Variants in ZBTB20 observed in about 807,000 individuals in gnomAD.
ZBTB20 encodes the protein zinc finger and BTB domain containing 20.
A neutral mutation model predicts 56.9 loss-of-function variants in ZBTB20; 9 were observed. The ratio of observed to expected loss-of-function variants is 0.16; its 90% confidence interval spans 0.10 to 0.28. The LOEUF (loss-of-function observed/expected upper bound fraction) is 0.28, where lower values mean the gene tolerates loss of function less well. Ranked by LOEUF, ZBTB20 falls within the 10% of genes least tolerant of loss-of-function variation. ZBTB20 has a pLI of 1.00. For synonymous variants in ZBTB20, 417 were observed against 420.7 expected (o/e 0.99, Z 0.11); for missense variants, 655 against 1,003.0 (o/e 0.65, Z 4.69).
intron 1 of ZBTB20, among the ~76,000 whole-genome samples, chr3:115,087,112 A>T (rs1451382730): frequency 6.6e-6 from 1 of 151,792 alleles, no homozygotes; most frequent in Non-Finnish European, 1.5e-5. Flanking sequence ...TCTGATTCGT[A>T]TTTCTACCAT....
At chr3:114,673,109 C>T (rs2061441186) in intron 6 of ZBTB20, among the ~76,000 whole-genome samples, 1 of 152,154 alleles carries the variant, frequency 6.6e-6, no homozygotes, top group Admixed American at 6.6e-5. Context: ...ACATGCTTAG[C>T]TGCTCTCAAT....
intron 5 of ZBTB20, among the ~76,000 whole-genome samples, chr3:114,789,403 C>T (rs191679469): frequency 1.3e-5 from 2 of 152,216 alleles, no homozygotes; most frequent in African/African-American, 4.8e-5. Flanking sequence ...TTCCTATAAG[C>T]GGTTAGCGTG....
intron 1 of ZBTB20, among the ~76,000 whole-genome samples, chr3:115,117,075 T>C (rs1174392742): frequency 1.3e-5 from 2 of 152,128 alleles, no homozygotes; most frequent in Non-Finnish European, 2.9e-5. Flanking sequence ...CAAATTCTAT[T>C]ATACTGTTGC....
At position 114,755,948 on chromosome 3, in the gene ZBTB20, G is replaced by A. The variant is rs549451910; in HGVS notation, c.-343+45153C>T. 5.3e-5 allele frequency among the ~76,000 whole-genome samples: 8 copies of A among 152,258 alleles called. No individual in the cohort carries two copies. The South Asian group carries it at 1.7e-3, about 32-fold the overall frequency. On this transcript the variant is annotated intron_variant, in intron 5 of 11. Transcript: ENST00000675478. ...GCTTTTCTCTTTAACTTTGCTGCAA[G>A]AAAGTTTAAAGGCAACTGTATAGCA...
intron 6 of ZBTB20, among the ~76,000 whole-genome samples, chr3:114,614,947 G>A (rs866469211): frequency 7.2e-5 from 11 of 151,986 alleles, no homozygotes; most frequent in Non-Finnish European, 1.2e-4. Flanking sequence ...TAGTAGAGAC[G>A]AGGTTTCATC....
intron 7 of ZBTB20, among the ~76,000 whole-genome samples, chr3:114,476,149 T>C (rs537839490): frequency 6.6e-6 from 1 of 152,320 alleles, no homozygotes; most frequent in South Asian, 2.1e-4. Flanking sequence ...TTCATACTAT[T>C]ATAGGTTCTT....
In ZBTB20 at chr3:114,329,753, T is replaced by G. The variant is rs970213836; in HGVS notation, c.*9252A>C. ...AAAAAAAAAACAACTCCCAGGAAAATGAACACTATATTGCCAAGCTGCCTC... is the reference window on the plus strand; with the variant it reads ...AAAAAAAAAACAACTCCCAGGAAAAGGAACACTATATTGCCAAGCTGCCTC... On this transcript the variant is annotated 3_prime_UTR_variant, in exon 12 of 12. Transcript: ENST00000675478. 74 of 68,010 alleles carry G rather than the reference T, an allele frequency of 1.1e-3. No individual in the cohort carries two copies. Among genetic ancestry groups the G allele is most frequent in the Middle Eastern group, 0.014 (1 of 70 alleles). 4.2% of individuals were successfully genotyped at this position (68,010 alleles called of 1,614,324 possible).
At chr3:114,996,863 C>A (rs577093548) in intron 2 of ZBTB20, among the ~76,000 whole-genome samples, 1 of 151,810 alleles carries the variant, frequency 6.6e-6, no homozygotes, top group African/African-American at 2.4e-5. Flanking sequence ...ATTTATGCAG[C>A]CAATAAACAT....
intron 5 of ZBTB20, among the ~76,000 whole-genome samples, chr3:114,748,610 C>A (rs1341111123): frequency 6.6e-6 from 1 of 152,062 alleles, no homozygotes; most frequent in Non-Finnish European, 1.5e-5. Flanking sequence ...ATCTGGTGAA[C>A]TCAATGGTCC....
At chr3:114,976,162 A>C (rs1444975795) in intron 2 of ZBTB20, among the ~76,000 whole-genome samples, 3 of 152,248 alleles carry the variant, frequency 2.0e-5, no homozygotes, top group Admixed American at 2.0e-4. Flanking sequence ...ATAAACTGTT[A>C]GACTTATAAT....
intron 2 of ZBTB20, among the ~76,000 whole-genome samples, chr3:115,024,008 A>G (rs2080312648): frequency 6.6e-6 from 1 of 151,044 alleles, no homozygotes; most frequent in African/African-American, 2.4e-5. Context: ...TATATTTGAT[A>G]TCTATATCTC....
chr3:114,437,157 AGAG>A (rs1306098638), intron 7 of ZBTB20, among the ~76,000 whole-genome samples: 1 of 152,154 alleles, frequency 6.6e-6, no homozygotes, highest in Non-Finnish European at 1.5e-5. Context: ...CTCTGCTGGC[AGAG>A]GAGAAGATGA....
chr3:114,628,275 T>A (rs773290442), intron 6 of ZBTB20, among the ~76,000 whole-genome samples: 11 of 152,170 alleles, frequency 7.2e-5, no homozygotes, highest in African/African-American at 1.2e-4. Context: ...TTTTGAGTCA[T>A]AAACACCAAC....
intron 6 of ZBTB20, among the ~76,000 whole-genome samples, chr3:114,516,580 C>T (rs2046019534): frequency 6.6e-6 from 1 of 152,046 alleles, no homozygotes; most frequent in African/African-American, 2.4e-5. Context: ...GACATTCTGG[C>T]CCCCAATTCT....
chr3:114,723,513 T>G (rs1363076126), intron 5 of ZBTB20, among the ~76,000 whole-genome samples: 2 of 152,216 alleles, frequency 1.3e-5, no homozygotes, highest in African/African-American at 4.8e-5. Context: ...TTAACAAGTA[T>G]GAGTTGGATC....
chr3:114,502,513 G>C (rs1275898834), intron 6 of ZBTB20, among the ~76,000 whole-genome samples: 2 of 152,156 alleles, frequency 1.3e-5, no homozygotes, highest in Non-Finnish European at 1.5e-5. Context: ...AGAGAGGCTG[G>C]AGATCTCCAA....
intron 5 of ZBTB20, among the ~76,000 whole-genome samples, chr3:114,764,934 C>T (rs545210541): frequency 1.8e-4 from 27 of 152,216 alleles, no homozygotes; most frequent in African/African-American, 3.4e-4. Context: ...TAATTTGGAA[C>T]CAATTTATTC....
At chr3:114,966,872 C>G (rs1309432764) in intron 3 of ZBTB20, among the ~76,000 whole-genome samples, 1 of 152,002 alleles carries the variant, frequency 6.6e-6, no homozygotes, top group Non-Finnish European at 1.5e-5. Context: ...AAAGTACACT[C>G]AAACATACTG....
At chr3:114,455,662 C>G (rs954476981) in intron 7 of ZBTB20, among the ~76,000 whole-genome samples, 2 of 152,050 alleles carry the variant, frequency 1.3e-5, no homozygotes, top group African/African-American at 4.8e-5. Context: ...TCAGCACAGA[C>G]AAAGTCAGTG....
Sources: gnomAD v4.1 joint callset for allele counts (sites outside exome capture counted in the v4.1 genomes callset) on GRCh38, gnomAD v4.1.1 for gene constraint, MANE v1.5 for transcripts, NCBI Gene and HGNC (gene_info 2026-07-23, HGNC 2026-07-21) for gene names.